The following METTL24 variants were observed in gnomAD, a reference collection of about 807,000 sequenced individuals.
METTL24 encodes the protein probable methyltransferase-like protein 24.
A neutral mutation model predicts 32.7 loss-of-function variants in METTL24; 29 were observed. That is an observed-to-expected ratio of 0.89 (90% CI 0.66 to 1.21). The LOEUF (loss-of-function observed/expected upper bound fraction) is 1.21, where lower values mean the gene tolerates loss of function less well. Among genes scored for constraint, METTL24 ranks in the 50% most tolerant of loss-of-function variants. The pLI is 0.00. For synonymous variants in METTL24, 163 were observed against 179.5 expected, an observed-to-expected ratio of 0.91 and a Z score of 0.73; for missense variants, 439 against 468.1, an observed-to-expected ratio of 0.94 and a Z score of 0.57.
chr6:110,246,950 TA>T (rs5879062), intron 4 of METTL24, among the ~76,000 whole-genome samples: 3,576 of 142,920 alleles, frequency 0.025, 128 homozygotes, highest in African/African-American at 0.08. Context: ...ATAGCATTCT[TA>T]AAAAAAAAAA....
chr6:110,257,247 T>G (rs1778402485), intron 4 of METTL24, among the ~76,000 whole-genome samples: 1 of 152,200 alleles, frequency 6.6e-6, no homozygotes, highest in Admixed American at 6.5e-5. Flanking sequence ...ATATCAATAT[T>G]TAATTCTCCA....
chr6:110,254,555 C>T (rs1159991064), intron 4 of METTL24, among the ~76,000 whole-genome samples: 1 of 152,106 alleles, frequency 6.6e-6, no homozygotes, highest in Non-Finnish European at 1.5e-5. Context: ...TCACTTGAAC[C>T]CAGAAGGCAG....
intron 3 of METTL24, among the ~76,000 whole-genome samples, chr6:110,301,392 A>T (rs1455978598): frequency 3.3e-5 from 5 of 152,166 alleles, no homozygotes; most frequent in African/African-American, 9.7e-5. Context: ...TCATGATGAG[A>T]AAGAGTCCTT....
intron 4 of METTL24, among the ~76,000 whole-genome samples, chr6:110,272,264 C>A (rs540383319): frequency 6.6e-6 from 1 of 152,248 alleles, no homozygotes; most frequent in South Asian, 2.1e-4. Flanking sequence ...GAATAATGGC[C>A]TCCAGCTCCA....
intron 4 of METTL24, among the ~76,000 whole-genome samples, chr6:110,256,700 G>A (rs962866729): frequency 6.6e-6 from 1 of 152,174 alleles, no homozygotes; most frequent in Non-Finnish European, 1.5e-5. Context: ...GAGGTCAAGG[G>A]TTGGGAGTTA....
intron 1 of METTL24, among the ~76,000 whole-genome samples, chr6:110,343,924 A>C (rs1772414011): frequency 6.6e-6 from 1 of 152,194 alleles, no homozygotes; most frequent in African/African-American, 2.4e-5. Flanking sequence ...CAGAAATTCA[A>C]AGAAAGATGA....
At chr6:110,311,585 A>T (rs1411632451) in intron 3 of METTL24, among the ~76,000 whole-genome samples, 3 of 145,064 alleles carry the variant, frequency 2.1e-5, no homozygotes, top group Non-Finnish European at 4.5e-5. Context: ...GTGATTCTCC[A>T]GCCTCAGCCT....
chr6:110,325,529 G>A (rs1772002853), intron 1 of METTL24, among the ~76,000 whole-genome samples: 4 of 152,190 alleles, frequency 2.6e-5, no homozygotes, highest in Admixed American at 2.6e-4. Context: ...AGGGGGGGTT[G>A]ACTGAAATAA....
intron 1 of METTL24, among the ~76,000 whole-genome samples, chr6:110,325,469 T>G (rs980929585): frequency 1.3e-5 from 2 of 152,190 alleles, no homozygotes; most frequent in Non-Finnish European, 2.9e-5. Flanking sequence ...AGCTGTAGTT[T>G]GCTGACTCCT....
chr6:110,275,500 C>T (rs1404157620), intron 4 of METTL24, among the ~76,000 whole-genome samples: 2 of 152,140 alleles, frequency 1.3e-5, no homozygotes, highest in Admixed American at 1.3e-4. Context: ...TTCCTCTATG[C>T]CCCCTCCTTA....
chr6:110,333,176 T>A (rs1041855623), intron 1 of METTL24, among the ~76,000 whole-genome samples: 1 of 152,034 alleles, frequency 6.6e-6, no homozygotes, highest in African/African-American at 2.4e-5. Context: ...CAGTTACCCT[T>A]CCCCCAAACA....
Position 110,357,799 on chromosome 6 carries a change from G to T in METTL24, c.318+156C>A, listed in dbSNP as rs542598705. On this transcript the variant is annotated intron_variant, in intron 1 of 4. Coordinates refer to ENST00000338882, the MANE Select transcript of METTL24 (RefSeq NM_001123364.3). ...ATCTGGGCACTGAAAGATGCGACCC[G>T]TGGAGCCGCCTAAGAGAGCACAGGG... 4.7e-3 allele frequency: 1,178 copies of T among 251,164 alleles called. 5 individuals are homozygous for T. Among genetic ancestry groups the T allele is most frequent in the Non-Finnish European group, 6.1e-3 (862 of 140,422 alleles). 15.6% of individuals were successfully genotyped at this position (251,164 alleles called of 1,614,324 possible). A position where few individuals can be genotyped will look rare whatever the true frequency, so the allele number is the denominator to read the frequency against.
intron 1 of METTL24, among the ~76,000 whole-genome samples, chr6:110,336,071 TTTCTCCAGAAGATACAGAACACACTAA>T (rs1772221322): frequency 6.6e-6 from 1 of 152,250 alleles, no homozygotes. Flanking sequence ...CATGAAATTC[TTTCTCCAGAAGATACAGAACACACTAA>T]AAAGTTCACT....
rs1772736786 is a variant in METTL24, at chr6:110,358,112, G to A, written c.161C>T (p.Pro54Leu). ...SAPPGPAWRP[P>L]GPHLPPAPGQ... The stretch of plus-strand genomic sequence containing the variant: ...CGGCGCGGGCGGCAGGTGCGGCCCA[G>A]GTGGCCGCCAGGCCGGGCCCGGCGG... Residue 54 changes from proline to leucine, a missense_variant, in exon 1 of 5, where the codon CCT (proline) becomes CTT (leucine). Coordinates refer to ENST00000338882, the MANE Select transcript of METTL24 (RefSeq NM_001123364.3). 9.6e-7 allele frequency: 1 copy of A among 1,038,238 alleles called. No homozygotes were observed. 64.3% of individuals were successfully genotyped at this position (1,038,238 alleles called of 1,614,324 possible).
intron 4 of METTL24, among the ~76,000 whole-genome samples, chr6:110,246,839 C>T (rs1778174154): frequency 6.6e-6 from 1 of 151,716 alleles, no homozygotes; most frequent in Non-Finnish European, 1.5e-5. Context: ...CCAACTTCAT[C>T]GAGACTGGAC....
intron 4 of METTL24, among the ~76,000 whole-genome samples, chr6:110,270,745 T>C (rs1001144189): frequency 1.2e-4 from 18 of 152,186 alleles, no homozygotes; most frequent in African/African-American, 4.3e-4. Flanking sequence ...CTCATACCAC[T>C]GTTTTCCATA....
chr6:110,276,242 G>A (rs953746680), intron 4 of METTL24, among the ~76,000 whole-genome samples: 2 of 152,060 alleles, frequency 1.3e-5, no homozygotes, highest in Non-Finnish European at 2.9e-5. Context: ...AGACCAGCCT[G>A]GGCAATACAG....
At chr6:110,313,619 G>A (rs181370183) in intron 3 of METTL24, among the ~76,000 whole-genome samples, 69 of 152,292 alleles carry the variant, frequency 4.5e-4, no homozygotes, top group Admixed American at 2.0e-3. Context: ...CAACTTGCAC[G>A]TGGTACTATG....
intron 4 of METTL24, among the ~76,000 whole-genome samples, chr6:110,248,089 C>T (rs1778202777): frequency 6.6e-6 from 1 of 152,070 alleles, no homozygotes; most frequent in Non-Finnish European, 1.5e-5. Context: ...TCTCTTGTTC[C>T]CTCTCTTGCC....
Sources: allele counts gnomAD v4.1 joint callset (sites outside exome capture counted in the v4.1 genomes callset), GRCh38; gene constraint gnomAD v4.1.1; transcripts MANE v1.5; gene names NCBI Gene and HGNC (gene_info 2026-07-23, HGNC 2026-07-21).